ZMAT4: variants seen among roughly 807,000 people sequenced by gnomAD.
ZMAT4 encodes zinc finger matrin-type protein 4.
In ZMAT4, 17 loss-of-function variants were observed where a neutral mutation model predicts 28.7. The ratio of observed to expected loss-of-function variants is 0.59; its 90% CI spans 0.41 to 0.89. The LOEUF is 0.89. Ranked by LOEUF, ZMAT4 falls within the 40% of genes least tolerant of loss-of-function variation. ZMAT4 has a pLI of 0.00. For synonymous variants in ZMAT4, 117 were observed against 109.2 expected (o/e 1.07, Z -0.44); for missense variants, 240 against 283.8 (o/e 0.85, Z 1.11).
At chr8:40,547,823 G>C (rs935397482) in intron 6 of ZMAT4, among the ~76,000 whole-genome samples, 9 of 152,154 alleles carry the variant, frequency 5.9e-5, no homozygotes, top group African/African-American at 2.2e-4. Context: ...TTAATATGGA[G>C]AGACTCACGA....
chr8:40,780,146 C>T (rs1376521837), intron 2 of ZMAT4, among the ~76,000 whole-genome samples: 1 of 152,156 alleles, frequency 6.6e-6, no homozygotes, highest in East Asian at 1.9e-4. Flanking sequence ...GATTTCTCCC[C>T]ATAAGCCTGC....
At chr8:40,671,371 A>G (rs545503107) in intron 5 of ZMAT4, among the ~76,000 whole-genome samples, 1 of 152,314 alleles carries the variant, frequency 6.6e-6, no homozygotes, top group Non-Finnish European at 1.5e-5. Context: ...CTTGTGCCGT[A>G]ATGTTCATGA....
chr8:40,876,988 T>G (rs1381229191), intron 1 of ZMAT4, among the ~76,000 whole-genome samples: 1 of 152,214 alleles, frequency 6.6e-6, no homozygotes, highest in East Asian at 1.9e-4. Flanking sequence ...TAGCCTCCAC[T>G]CCTTCAGAAT....
chr8:40,816,722 A>C (rs115406300), intron 2 of ZMAT4, among the ~76,000 whole-genome samples: 77 of 152,322 alleles, frequency 5.1e-4, no homozygotes, highest in African/African-American at 1.8e-3. Flanking sequence ...GAGGATGAAG[A>C]ATACTTTGAT....
chr8:40,682,440 T>A (rs1451045036), intron 4 of ZMAT4, among the ~76,000 whole-genome samples: 1 of 152,198 alleles, frequency 6.6e-6, no homozygotes, highest in Non-Finnish European at 1.5e-5. Flanking sequence ...GTCCCACTGT[T>A]ATCACAGATC....
intron 6 of ZMAT4, among the ~76,000 whole-genome samples, chr8:40,562,071 A>G (rs1182566503): frequency 1.3e-5 from 2 of 152,186 alleles, no homozygotes; most frequent in Admixed American, 6.5e-5. Context: ...TTTGGACGAT[A>G]CGTCTTCTCC....
intron 3 of ZMAT4, among the ~76,000 whole-genome samples, chr8:40,727,901 A>C (rs924165928): frequency 6.6e-6 from 1 of 152,240 alleles, no homozygotes; most frequent in Non-Finnish European, 1.5e-5. Context: ...TTTGAATAAC[A>C]TTTTATTTAT....
Position 40,665,995 on chromosome 8 carries a change from G to A in ZMAT4, c.577+8709C>T, listed in dbSNP as rs192680311. On this transcript the variant is annotated intron_variant, in intron 5 of 6. Transcript: ENST00000297737. The stretch of plus-strand genomic sequence containing the variant: ...ATGAGAATTACAATAGAATAGTCTC[G>A]TTTCCTCTGCAACAATAAAATAACT... 3.9e-4 allele frequency among the ~76,000 whole-genome samples: 59 copies of A among 152,078 alleles called. 1 individual carries two copies. Among genetic ancestry groups the A allele is most frequent in the South Asian group, 3.5e-3 (17 of 4,810 alleles).
intron 4 of ZMAT4, among the ~76,000 whole-genome samples, chr8:40,678,777 C>T (rs994998429): frequency 6.6e-5 from 10 of 152,078 alleles, no homozygotes; most frequent in African/African-American, 2.4e-4. Context: ...TGCAAAAACC[C>T]CCGAAACTCA....
chr8:40,580,308 G>A (rs966041560), intron 6 of ZMAT4, among the ~76,000 whole-genome samples: 2 of 151,974 alleles, frequency 1.3e-5, no homozygotes, highest in African/African-American at 2.4e-5. Flanking sequence ...CACCGCACCC[G>A]GCCTATTCAT....
At chr8:40,695,801 TTTG>T (rs1239984253) in intron 4 of ZMAT4, among the ~76,000 whole-genome samples, 19 of 84,880 alleles carry the variant, frequency 2.2e-4, no homozygotes, top group African/African-American at 7.6e-4. Flanking sequence ...TTTTTTTTTT[TTTG>T]CAGAAAGAAT....
At position 40,564,447 on chromosome 8, in the gene ZMAT4, C is replaced by A. The variant is rs147434888; in HGVS notation, c.674+16718G>T. 2.0e-3 allele frequency among the ~76,000 whole-genome samples: 301 copies of A among 152,308 alleles called. 3 individuals are homozygous for A. Among genetic ancestry groups the A allele is most frequent in the East Asian group, 0.013 (67 of 5,182 alleles). On this transcript the variant is annotated intron_variant, in intron 6 of 6. Coordinates refer to ENST00000297737, the MANE Select transcript of ZMAT4 (RefSeq NM_024645.3). ...TATATTTCAGTCTCGGGCCACCCCCCTCTAAACTCACAGATAAGATTTTAG... is the reference window on the plus strand; with the variant it reads ...TATATTTCAGTCTCGGGCCACCCCCATCTAAACTCACAGATAAGATTTTAG...
At chr8:40,840,715 CTG>C (rs1455687107) in intron 1 of ZMAT4, among the ~76,000 whole-genome samples, 1 of 152,162 alleles carries the variant, frequency 6.6e-6, no homozygotes, top group Non-Finnish European at 1.5e-5. Flanking sequence ...TCTGGTGATG[CTG>C]TATTCTGAGA....
At chr8:40,826,269 G>A (rs1816036801) in intron 1 of ZMAT4, among the ~76,000 whole-genome samples, 1 of 152,090 alleles carries the variant, frequency 6.6e-6, no homozygotes, top group South Asian at 2.1e-4. Flanking sequence ...TCCAAATTCA[G>A]ATAAATTATT....
At chr8:40,697,495 T>C (rs1809944228) in intron 3 of ZMAT4, 94 bp from the exon 4 acceptor site, 6 of 1,254,208 alleles carry the variant, frequency 4.8e-6, no homozygotes, top group African/African-American at 1.6e-5. Context: ...TATTGAAATA[T>C]CTAGTTTTTG....
At chr8:40,857,131 A>G in intron 1 of ZMAT4, among the ~76,000 whole-genome samples, 1 of 152,186 alleles carries the variant, frequency 6.6e-6, no homozygotes, top group Non-Finnish European at 1.5e-5. Context: ...TGAAGAGACC[A>G]CTGCCTAGTT....
At chr8:40,702,153 T>C (rs1810176888) in intron 3 of ZMAT4, among the ~76,000 whole-genome samples, 1 of 152,144 alleles carries the variant, frequency 6.6e-6, no homozygotes, top group African/African-American at 2.4e-5. Flanking sequence ...ATCTTGGACT[T>C]CCCAGCTTCT....
chr8:40,781,580 G>C (rs1006491198), intron 2 of ZMAT4, among the ~76,000 whole-genome samples: 6 of 150,544 alleles, frequency 4.0e-5, no homozygotes, highest in African/African-American at 1.5e-4. Flanking sequence ...GGCTAAAACG[G>C]TGAAACCCCG....
intron 3 of ZMAT4, among the ~76,000 whole-genome samples, chr8:40,733,502 A>G (rs1811632472): frequency 6.6e-6 from 1 of 152,200 alleles, no homozygotes. Flanking sequence ...AGAATTAACT[A>G]GAGTTGTTTG....
Sources: gnomAD v4.1 joint callset for allele counts (sites outside exome capture counted in the v4.1 genomes callset) on GRCh38, gnomAD v4.1.1 for gene constraint, MANE v1.5 for transcripts, NCBI Gene and HGNC (gene_info 2026-07-23, HGNC 2026-07-21) for gene names.